Variants in LINC00237 observed in about 807,000 individuals in gnomAD.
LINC00237 encodes the protein long independently transcribed non-coding RNA 237.
At chr20:21,095,327 C>A (rs984503774) in intron 1 of LINC00237, among the ~76,000 whole-genome samples, 34 of 152,266 alleles carry the variant, frequency 2.2e-4, no homozygotes, top group African/African-American at 7.7e-4. Flanking sequence ...GGACTTTCCA[C>A]ATAAATAAGC....
chr20:21,090,846 T>C (rs934468961), intron 2 of LINC00237, among the ~76,000 whole-genome samples: 3 of 152,190 alleles, frequency 2.0e-5, no homozygotes, highest in Non-Finnish European at 4.4e-5. Flanking sequence ...CAAGTGTCTT[T>C]ATCGCCAGCA....
intron 2 of LINC00237, chr20:21,090,406 G>A (rs539494642): frequency 1.3e-5 from 2 of 152,322 alleles, no homozygotes; most frequent in Admixed American, 6.5e-5. Flanking sequence ...GAAATGACAT[G>A]CAGTGCTTGA....
At chr20:21,105,986 G>C (rs915042011) in intron 1 of LINC00237, among the ~76,000 whole-genome samples, 2 of 152,294 alleles carry the variant, frequency 1.3e-5, no homozygotes, top group Middle Eastern at 3.4e-3. Flanking sequence ...ATGGGATCCA[G>C]AGAGAGACTC....
rs1379141774 is a variant in LINC00237 at position 21,101,736 on chromosome 20, C to T, written n.88+4535G>A. ...TGCCTGCCTCCTGGAAAAGCTGTCACGATTGGGCTTGGGCTTGGGCTTGGC... is the reference window on the plus strand; with the variant it reads ...TGCCTGCCTCCTGGAAAAGCTGTCATGATTGGGCTTGGGCTTGGGCTTGGC... On this transcript the variant is annotated intron_variant and non_coding_transcript_variant, in intron 1 of 3. Transcript: ENST00000691244. The surrounding 1 kb of genome is among the most constrained non-coding windows in gnomAD (Gnocchi z 4.3). Among the ~76,000 whole-genome samples the T allele has an allele frequency of 6.6e-6, 1 of 152,254 alleles. No homozygotes were observed. The highest frequency in any genetic ancestry group is 1.5e-5 in the Non-Finnish European group (1 of 68,050).
intron 1 of LINC00237, among the ~76,000 whole-genome samples, chr20:21,097,032 A>T (rs187431470): frequency 2.0e-3 from 308 of 152,340 alleles, no homozygotes; most frequent in African/African-American, 7.2e-3. Context: ...GTCGGATTGG[A>T]ATCCTAGCCA....
intron 1 of LINC00237, among the ~76,000 whole-genome samples, chr20:21,100,827 G>A (rs1316571174): frequency 2.0e-5 from 3 of 152,146 alleles, no homozygotes; most frequent in African/African-American, 7.2e-5. Flanking sequence ...AGGTTTCCAA[G>A]TCTTTCATCA....
intron 1 of LINC00237, among the ~76,000 whole-genome samples, chr20:21,105,847 G>A (rs1484083795): frequency 6.6e-6 from 1 of 152,164 alleles, no homozygotes; most frequent in African/African-American, 2.4e-5. Flanking sequence ...ACCCCGCCGA[G>A]CACTAGGCAA....
chr20:21,105,609 A>G (rs1041522029), intron 1 of LINC00237, among the ~76,000 whole-genome samples: 6 of 152,130 alleles, frequency 3.9e-5, no homozygotes, highest in Non-Finnish European at 8.8e-5. Context: ...CAGGGGAAGG[A>G]GTGGCCACGC....
At chr20:21,096,220 C>A (rs1377528657) in intron 1 of LINC00237, among the ~76,000 whole-genome samples, 1 of 152,186 alleles carries the variant, frequency 6.6e-6, no homozygotes, top group Non-Finnish European at 1.5e-5. Context: ...TGCAGTTCTT[C>A]AAACAAAACA....
At chr20:21,092,092 CAATT>C (rs1404271259) in intron 2 of LINC00237, among the ~76,000 whole-genome samples, 2 of 152,150 alleles carry the variant, frequency 1.3e-5, no homozygotes, top group African/African-American at 4.8e-5. Flanking sequence ...TGCTTCAACT[CAATT>C]AAAGAGTCCA....
At chr20:21,086,059 C>T (rs983375343) in intron 3 of LINC00237, among the ~76,000 whole-genome samples, 1 of 152,208 alleles carries the variant, frequency 6.6e-6, no homozygotes, top group East Asian at 1.9e-4. Flanking sequence ...ACATCAGTCT[C>T]GTAAAGGGAC....
chr20:21,103,868 G>A (rs1038451913), intron 1 of LINC00237, among the ~76,000 whole-genome samples: 1 of 152,144 alleles, frequency 6.6e-6, no homozygotes, highest in African/African-American at 2.4e-5. Flanking sequence ...CTTGTGGACG[G>A]GGGTATAAGA....
At chr20:21,097,104 C>A (rs1055862300) in intron 1 of LINC00237, among the ~76,000 whole-genome samples, 23 of 152,190 alleles carry the variant, frequency 1.5e-4, no homozygotes, top group African/African-American at 5.1e-4. Flanking sequence ...AGATATTTTG[C>A]AGTCATCTCT....
At chr20:21,091,166 TTCTC>T (rs1380897042) in intron 2 of LINC00237, among the ~76,000 whole-genome samples, 1 of 145,922 alleles carries the variant, frequency 6.9e-6, no homozygotes, top group Admixed American at 6.9e-5. Context: ...GGGAAAGAAA[TTCTC>T]ACTCACACTC....
At chr20:21,102,876 C>A (rs1468006870) in intron 1 of LINC00237, among the ~76,000 whole-genome samples, 3 of 152,132 alleles carry the variant, frequency 2.0e-5, no homozygotes, top group African/African-American at 7.2e-5. Flanking sequence ...CCCAGCTCGC[C>A]GGTGGCCGCT....
chr20:21,102,696 G>GAAA (rs34351894), intron 1 of LINC00237, among the ~76,000 whole-genome samples: 273 of 130,872 alleles, frequency 2.1e-3, no homozygotes, highest in African/African-American at 7.3e-3. Flanking sequence ...TATTTTATAA[G>GAAA]AAAAAAAAAA....
At chr20:21,092,403 T>C (rs1480553467) in intron 2 of LINC00237, among the ~76,000 whole-genome samples, 1 of 152,230 alleles carries the variant, frequency 6.6e-6, no homozygotes, top group East Asian at 1.9e-4. Flanking sequence ...GGAAAGGGGC[T>C]TCTTTACAAA....
intron 2 of LINC00237, among the ~76,000 whole-genome samples, chr20:21,091,864 T>A (rs1375066328): frequency 6.6e-6 from 1 of 152,238 alleles, no homozygotes. Flanking sequence ...AAAAGTGACA[T>A]CTGTATGCAC....
chr20:21,091,194 T>C (rs2030788538), intron 2 of LINC00237, among the ~76,000 whole-genome samples: 1 of 147,618 alleles, frequency 6.8e-6, no homozygotes, highest in Non-Finnish European at 1.5e-5. Flanking sequence ...CACACACACC[T>C]TTTTTTATGG....
Sources: allele counts gnomAD v4.1 joint callset (sites outside exome capture counted in the v4.1 genomes callset), GRCh38; gene constraint gnomAD v4.1.1; non-coding constraint Gnocchi (gnomAD v3.1); transcripts MANE v1.5; gene names NCBI Gene and HGNC (gene_info 2026-07-23, HGNC 2026-07-21).